RAB22A: variants seen among roughly 807,000 people sequenced by gnomAD.
RAB22A encodes the protein ras-related protein Rab-22A.
In RAB22A, 13 loss-of-function variants were observed where a neutral mutation model predicts 30.2. That is an observed-to-expected ratio of 0.43 (90% CI 0.28 to 0.68). The LOEUF is 0.68. Among genes scored for constraint, RAB22A ranks in the 30% least tolerant of loss-of-function variants. The probability of loss-of-function intolerance (pLI) is 0.18; values close to 1 mark genes in which losing one functional copy is unlikely to be tolerated. For missense variants in RAB22A, 177 were observed against 246.8 expected (o/e 0.72, Z 1.89); for synonymous variants, 89 against 87.2 (o/e 1.02, Z -0.11).
At chr20:58,314,710 A>G (rs1278866619) in intron 2 of RAB22A, among the ~76,000 whole-genome samples, 8 of 152,024 alleles carry the variant, frequency 5.3e-5, no homozygotes, top group Non-Finnish European at 1.0e-4. Flanking sequence ...ATGTGATGGC[A>G]CACACCTGTA....
chr20:58,347,725 T>G (rs1399906174), intron 3 of RAB22A, among the ~76,000 whole-genome samples: 1 of 152,258 alleles, frequency 6.6e-6, no homozygotes, highest in African/African-American at 2.4e-5. Context: ...GATAGAGTCT[T>G]TGTGAGACCA....
intron 2 of RAB22A, among the ~76,000 whole-genome samples, chr20:58,319,465 T>G (rs1986410127): frequency 6.6e-6 from 1 of 152,232 alleles, no homozygotes; most frequent in Non-Finnish European, 1.5e-5. Flanking sequence ...TGTAGATGTA[T>G]AGAAAGTCTT....
intron 2 of RAB22A, among the ~76,000 whole-genome samples, chr20:58,331,693 G>A (rs543146451): frequency 6.6e-6 from 1 of 151,970 alleles, no homozygotes; most frequent in South Asian, 2.1e-4. Context: ...CTGGGATACG[G>A]TTCTGGTTCT....
intron 2 of RAB22A, among the ~76,000 whole-genome samples, chr20:58,330,883 C>T (rs1986650720): frequency 6.6e-6 from 1 of 152,174 alleles, no homozygotes; most frequent in South Asian, 2.1e-4. Flanking sequence ...TTGGCATCTC[C>T]CCAGTTGCAT....
intron 2 of RAB22A, among the ~76,000 whole-genome samples, chr20:58,320,958 G>A (rs1002655368): frequency 2.0e-5 from 3 of 152,230 alleles, no homozygotes; most frequent in South Asian, 2.1e-4. Context: ...TTGGGAGGCC[G>A]AGGCGGGTAG....
chr20:58,311,999 A>G (rs555346627), intron 2 of RAB22A, among the ~76,000 whole-genome samples: 1 of 152,174 alleles, frequency 6.6e-6, no homozygotes, highest in Non-Finnish European at 1.5e-5. Flanking sequence ...CTTTTTGCCC[A>G]GGCTGCGGTG....
chr20:58,353,362 T>C lies in RAB22A; in HGVS notation c.270+18T>C. The C allele has an allele frequency of 1.2e-6, 2 of 1,612,122 alleles. No homozygotes were observed. The highest frequency in any genetic ancestry group is 2.2e-5 in the South Asian group (2 of 90,808). On this transcript the variant is annotated intron_variant, in intron 4 of 6. Transcript: ENST00000244040. ...CAAAAGAAGTAAGACTATATAGTTT[T>C]CTTTAGATTGTTTTGAAAACTCTTT...
chr20:58,346,298 T>G (rs1332424487), intron 3 of RAB22A, among the ~76,000 whole-genome samples: 1 of 152,204 alleles, frequency 6.6e-6, no homozygotes, highest in Admixed American at 6.5e-5. Context: ...ATTGGCCTGC[T>G]TAATATCCTT....
At chr20:58,342,868 T>A (rs1198196057) in intron 2 of RAB22A, among the ~76,000 whole-genome samples, 1 of 152,120 alleles carries the variant, frequency 6.6e-6, no homozygotes, top group Non-Finnish European at 1.5e-5. Context: ...ATCCTGAACC[T>A]GTGTCCTGGA....
chr20:58,358,416 A>C (rs1422655967), intron 6 of RAB22A, among the ~76,000 whole-genome samples: 1 of 152,238 alleles, frequency 6.6e-6, no homozygotes, highest in African/African-American at 2.4e-5. Context: ...GGAGTAGAAT[A>C]CCGTGACCTA....
chr20:58,323,420 A>C (rs1363341744), intron 2 of RAB22A, among the ~76,000 whole-genome samples: 2 of 152,062 alleles, frequency 1.3e-5, no homozygotes, highest in East Asian at 3.9e-4. Context: ...CCTGGGAATT[A>C]GTTTTTTTAA....
At position 58,362,255 on chromosome 20, in the gene RAB22A, A is replaced by G. The variant is rs978176083; in HGVS notation, c.*2552A>G. 3 of 152,184 alleles carry G rather than the reference A, an allele frequency of 2.0e-5. No homozygotes were observed. Among genetic ancestry groups the G allele is most frequent in the African/African-American group, 7.2e-5 (3 of 41,446 alleles). 9.4% of individuals were successfully genotyped at this position (152,184 alleles called of 1,614,324 possible). On this transcript the variant is annotated 3_prime_UTR_variant, in exon 7 of 7. Coordinates refer to ENST00000244040, the MANE Select transcript of RAB22A (RefSeq NM_020673.3). ...GGGAAAAAATATTTTCACTTATTTT[A>G]TTTGCTTCTAAAATGCAAAGATGAA...
chr20:58,349,904 A>T (rs1325618754), intron 3 of RAB22A, among the ~76,000 whole-genome samples: 1 of 152,162 alleles, frequency 6.6e-6, no homozygotes, highest in Non-Finnish European at 1.5e-5. Context: ...CCCTAAAGTG[A>T]CCCTTTTCTT....
Position 58,310,009 on chromosome 20 carries a change from C to CG in RAB22A, c.36+1dup. On this transcript the variant is annotated frameshift_variant, in exon 1 of 7. Transcript: ENST00000244040. LOFTEE classifies it high-confidence loss of function. Reference sequence around the variant, plus strand: ...TGAGGGAGCTCAAAGTGTGTCTGCTCGGGGTGAGTGGCGGCGGGTCCGGCC... The same window carrying CG: ...TGAGGGAGCTCAAAGTGTGTCTGCTCGGGGGTGAGTGGCGGCGGGTCCGGCC... The CG allele has an allele frequency of 1.6e-6, 2 of 1,283,220 alleles. No homozygotes were observed. Among genetic ancestry groups the CG allele is most frequent in the Non-Finnish European group, 2.0e-6 (2 of 1,008,368 alleles). 79.5% of individuals were successfully genotyped at this position (1,283,220 alleles called of 1,614,324 possible). A position where few individuals can be genotyped will look rare whatever the true frequency, so the allele number is the denominator to read the frequency against.
At chr20:58,329,177 C>G (rs1271413174) in intron 2 of RAB22A, among the ~76,000 whole-genome samples, 1 of 152,022 alleles carries the variant, frequency 6.6e-6, no homozygotes, top group Non-Finnish European at 1.5e-5. Flanking sequence ...CCTCAGCCTC[C>G]TGAGTAGCTG....
chr20:58,345,185 A>G (rs1986925465), intron 3 of RAB22A, among the ~76,000 whole-genome samples: 1 of 152,172 alleles, frequency 6.6e-6, no homozygotes, highest in Non-Finnish European at 1.5e-5. Context: ...ATATTTGATG[A>G]TACAGCAAAG....
intron 5 of RAB22A, among the ~76,000 whole-genome samples, 194 bp downstream of exon 5, chr20:58,353,732 C>A (rs1041584102): frequency 6.6e-6 from 1 of 152,136 alleles, no homozygotes; most frequent in Non-Finnish European, 1.5e-5. Flanking sequence ...ATTATGTATA[C>A]AGACAGGTGT....
At chr20:58,328,953 C>G (rs1329755570) in intron 2 of RAB22A, among the ~76,000 whole-genome samples, 1 of 152,110 alleles carries the variant, frequency 6.6e-6, no homozygotes, top group South Asian at 2.1e-4. Flanking sequence ...TGACATTTAC[C>G]GATGGTCTAA....
At chr20:58,311,205 G>T (rs1986219407) in intron 2 of RAB22A, 83 bp downstream of exon 2, 2 of 1,248,548 alleles carry the variant, frequency 1.6e-6, no homozygotes, top group East Asian at 4.6e-5. Flanking sequence ...TGTAGGCCCT[G>T]CGCTTTGTAG....
Sources: allele counts gnomAD v4.1 joint callset (sites outside exome capture counted in the v4.1 genomes callset), GRCh38; gene constraint gnomAD v4.1.1; transcripts MANE v1.5; gene names NCBI Gene and HGNC (gene_info 2026-07-23, HGNC 2026-07-21).